Variants in GAREM1 observed in about 807,000 individuals in gnomAD.
GAREM1 encodes GRB2-associated and regulator of MAPK protein 1.
GAREM1 carries 26 observed loss-of-function variants against 71.3 expected under a neutral mutation model. That is an observed-to-expected ratio of 0.36 (90% CI 0.27 to 0.51). GAREM1 has a LOEUF of 0.51. Ranked by LOEUF, GAREM1 falls within the 20% of genes least tolerant of loss-of-function variation. The probability of loss-of-function intolerance (pLI) is 0.95; values close to 1 mark genes in which losing one functional copy is unlikely to be tolerated. For synonymous variants in GAREM1, 440 were observed against 433.2 expected (o/e 1.02, Z -0.20); for missense variants, 1,026 against 1,103.1 (o/e 0.93, Z 0.99).
intron 2 of GAREM1, among the ~76,000 whole-genome samples, chr18:32,363,212 CAAAAA>C (rs543796545): frequency 3.6e-4 from 46 of 128,980 alleles, no homozygotes; most frequent in Non-Finnish European, 6.7e-4. Context: ...TGTCTCAAGG[CAAAAA>C]AAAAAAAATC....
intron 2 of GAREM1, among the ~76,000 whole-genome samples, chr18:32,373,427 G>A (rs1010453115): frequency 6.6e-6 from 1 of 152,140 alleles, no homozygotes; most frequent in Non-Finnish European, 1.5e-5. Context: ...AAGGTATTTG[G>A]GGGTAGGGCC....
chr18:32,278,029 T>C (rs1170657799), intron 4 of GAREM1, among the ~76,000 whole-genome samples: 1 of 152,246 alleles, frequency 6.6e-6, no homozygotes, highest in Non-Finnish European at 1.5e-5. Flanking sequence ...TACAACAGCA[T>C]TTCTTGGAAA....
chr18:32,380,095 TCA>T (rs1001884188), intron 2 of GAREM1, among the ~76,000 whole-genome samples: 1 of 152,132 alleles, frequency 6.6e-6, no homozygotes, highest in African/African-American at 2.4e-5. Context: ...GCTATCAGTT[TCA>T]CACAGTGTGT....
At chr18:32,349,646 GAA>G (rs1480208028) in intron 2 of GAREM1, among the ~76,000 whole-genome samples, 7 of 152,144 alleles carry the variant, frequency 4.6e-5, no homozygotes, top group Admixed American at 1.3e-4. Context: ...CTAAATGAGA[GAA>G]TACTATTAAT....
rs192312046 is a variant in GAREM1 at position 32,326,471 on chromosome 18, C to T, written c.263-16148G>A. On this transcript the variant is annotated intron_variant, in intron 2 of 5. Coordinates refer to ENST00000269209, the MANE Select transcript of GAREM1 (RefSeq NM_001242409.2). The stretch of plus-strand genomic sequence containing the variant: ...AGGCCCTACATTGTAGAGAGCCCCC[C>T]ACTCTTGCTAAGTCTTTTTCTTTTA... Among the ~76,000 whole-genome samples, 85 of 152,324 alleles carry T rather than the reference C, an allele frequency of 5.6e-4. No individual in the cohort carries two copies. The East Asian group carries it at 0.012, about 22-fold the overall frequency.
At chr18:32,383,254 G>A (rs564302396) in intron 2 of GAREM1, among the ~76,000 whole-genome samples, 1 of 152,256 alleles carries the variant, frequency 6.6e-6, no homozygotes, top group African/African-American at 2.4e-5. Context: ...TATCAGAAAA[G>A]TTCACATGGT....
intron 1 of GAREM1, among the ~76,000 whole-genome samples, chr18:32,400,269 G>T (rs1200702466): frequency 6.6e-6 from 1 of 152,056 alleles, no homozygotes; most frequent in Non-Finnish European, 1.5e-5. Context: ...ATGGGCAAGG[G>T]CTTCATGTCT....
intron 2 of GAREM1, among the ~76,000 whole-genome samples, chr18:32,387,284 T>A (rs1205240127): frequency 6.6e-6 from 1 of 152,154 alleles, no homozygotes; most frequent in East Asian, 1.9e-4. Flanking sequence ...TTGCTTTTGT[T>A]TAATAAGTCA....
chr18:32,324,462 GAA>G (rs34525148), intron 2 of GAREM1, among the ~76,000 whole-genome samples: 1 of 152,020 alleles, frequency 6.6e-6, no homozygotes, highest in Non-Finnish European at 1.5e-5. Flanking sequence ...TTTTCATTAG[GAA>G]AAAAAGTGCC....
At chr18:32,425,501 T>A (rs2048565652) in intron 1 of GAREM1, among the ~76,000 whole-genome samples, 1 of 152,210 alleles carries the variant, frequency 6.6e-6, no homozygotes, top group Non-Finnish European at 1.5e-5. Context: ...TGCTCTGTAC[T>A]ACCTTATAAC....
At chr18:32,360,814 C>T (rs1224213876) in intron 2 of GAREM1, among the ~76,000 whole-genome samples, 1 of 152,160 alleles carries the variant, frequency 6.6e-6, no homozygotes, top group East Asian at 1.9e-4. Context: ...ACTCTCCTGT[C>T]TGTTAAGAGT....
chr18:32,441,551 C>T (rs1243158917), intron 1 of GAREM1, among the ~76,000 whole-genome samples: 1 of 152,162 alleles, frequency 6.6e-6, no homozygotes, highest in Non-Finnish European at 1.5e-5. Context: ...ACTAAATCTC[C>T]TTCCAAGATC....
Position 32,265,318 on chromosome 18 carries a change from T to G in GAREM1, c.*2553A>C, listed in dbSNP as rs1051297434. 12 of 152,384 alleles carry G rather than the reference T, an allele frequency of 7.9e-5. No individual in the cohort carries two copies. Among genetic ancestry groups the G allele is most frequent in the African/African-American group, 2.9e-4 (12 of 41,586 alleles). The allele number at this position is 152,384 out of a possible 1,614,324, so 9.4% of individuals were successfully genotyped here. ...ACACTAGGCAATGAGAGAGATACTT[T>G]CTGCCTCCAACACATTCCAAGTTTT... On this transcript the variant is annotated 3_prime_UTR_variant, in exon 6 of 6. Coordinates refer to ENST00000269209, the MANE Select transcript of GAREM1 (RefSeq NM_001242409.2).
chr18:32,268,731 T>C lies in GAREM1; in HGVS notation c.1771A>G (p.Thr591Ala). ...TTACATGGATAGCAGGAAACAGGAG[T>C]GCTTTCAGAAGGATTTGTGTCAGTT... is the stretch of plus-strand genomic sequence containing the variant. ...TKTDTNPSES[T>A]PVSCYPCNRV... The change falls in exon 6 of 6, where the codon ACT becomes GCT. Residue 591 changes from threonine to alanine, a missense_variant. By Grantham distance (58) the Thr-to-Ala change is moderately conservative (BLOSUM62 0). This residue lies in a region of GAREM1 where 636 missense variants were observed against 631.2 expected (regional missense o/e 1.01). Coordinates refer to ENST00000269209, the MANE Select transcript of GAREM1 (RefSeq NM_001242409.2). 1 of 1,613,910 alleles carries C rather than the reference T, an allele frequency of 6.2e-7. No homozygotes were observed. The highest frequency in any genetic ancestry group is 8.5e-7 in the Non-Finnish European group (1 of 1,179,914).
intron 4 of GAREM1, among the ~76,000 whole-genome samples, chr18:32,280,325 C>G (rs1443333053): frequency 6.6e-6 from 1 of 152,166 alleles, no homozygotes; most frequent in South Asian, 2.1e-4. Flanking sequence ...TCACGTGAGG[C>G]CCCTAATTCT....
chr18:32,354,496 G>A (rs1403304043), intron 2 of GAREM1, among the ~76,000 whole-genome samples: 1 of 152,178 alleles, frequency 6.6e-6, no homozygotes. Context: ...TCCCAGATGA[G>A]TGTTTCTTTT....
rs146988252 is a variant in GAREM1 at position 32,281,983 on chromosome 18, C to A, written c.1566+5048G>T. 4.7e-3 allele frequency among the ~76,000 whole-genome samples: 720 copies of A among 152,290 alleles called. 7 individuals carry two copies. The highest frequency in any genetic ancestry group is 0.017 in the African/African-American group (694 of 41,542). On this transcript the variant is annotated intron_variant, in intron 4 of 5. Coordinates refer to ENST00000269209, the MANE Select transcript of GAREM1 (RefSeq NM_001242409.2). The stretch of plus-strand genomic sequence containing the variant: ...TACCTTGTGAAAGTCCTTTTCCTAG[C>A]TCATCCTGGCTCAAAAAGCACCCCC...
chr18:32,455,556 A>T (rs1288262242), intron 1 of GAREM1, among the ~76,000 whole-genome samples: 1 of 152,200 alleles, frequency 6.6e-6, no homozygotes, highest in Non-Finnish European at 1.5e-5. Context: ...TCATTTTAAA[A>T]GCAAATTCTT....
At chr18:32,428,157 C>T (rs762084500) in intron 1 of GAREM1, among the ~76,000 whole-genome samples, 10 of 152,130 alleles carry the variant, frequency 6.6e-5, no homozygotes, top group African/African-American at 2.4e-4. Flanking sequence ...TAAAAATGGT[C>T]GAAAAACTTG....
Sources: gnomAD v4.1 joint callset for allele counts (sites outside exome capture counted in the v4.1 genomes callset) on GRCh38, gnomAD v4.1.1 for gene constraint, gnomAD v4.1.1 regional missense constraint, MANE v1.5 for transcripts, NCBI Gene and HGNC (gene_info 2026-07-23, HGNC 2026-07-21) for gene names.